FLI1: variants seen among roughly 807,000 people sequenced by gnomAD.
FLI1 encodes Friend leukemia integration 1 transcription factor.
FLI1 carries 13 observed loss-of-function variants against 53.1 expected under a neutral mutation model. The observed-to-expected ratio is 0.24, with a 90% CI of 0.16 to 0.39. The LOEUF (loss-of-function observed/expected upper bound fraction) is 0.39. Among genes scored for constraint, FLI1 ranks in the 10% least tolerant of loss-of-function variants. The pLI, the probability that FLI1 is intolerant of heterozygous loss-of-function variation, is 1.00. For missense variants in FLI1, 424 were observed against 600.5 expected (o/e 0.71, Z 3.07); for synonymous variants, 244 against 236.7 (o/e 1.03, Z -0.28).
At chr11:128,805,963 C>T (rs1446656008) in intron 6 of FLI1, 1 of 151,832 alleles carries the variant, frequency 6.6e-6, no homozygotes, top group Non-Finnish European at 1.5e-5. Context: ...AGGTTCTCCA[C>T]CAAGTGGTGA....
At chr11:128,755,838 T>A (rs1422112168) in intron 1 of FLI1, among the ~76,000 whole-genome samples, 1 of 152,198 alleles carries the variant, frequency 6.6e-6, no homozygotes, top group East Asian at 1.9e-4. Context: ...ACCTACACCA[T>A]CCAAAGCCTT....
Position 128,811,157 on chromosome 11 carries a change from G to A in FLI1, c.*169G>A, listed in dbSNP as rs1284082092. On this transcript the variant is annotated 3_prime_UTR_variant, in exon 9 of 9. Coordinates refer to ENST00000527786, the MANE Select transcript of FLI1 (RefSeq NM_002017.5). ...TTTAAAAACATTTTTTTTAATGTTG[G>A]TAACTTTTGCTTCCTCTACCTGAAC... 1.5e-6 allele frequency: 1 copy of A among 657,944 alleles called. No individual in the cohort carries two copies. Among genetic ancestry groups the A allele is most frequent in the Non-Finnish European group, 2.6e-6 (1 of 391,040 alleles). 40.8% of individuals were successfully genotyped at this position (657,944 alleles called of 1,614,324 possible). A position where few individuals can be genotyped will look rare whatever the true frequency, so the allele number is the denominator to read the frequency against.
chr11:128,785,660 A>G (rs1942056443), intron 5 of FLI1, among the ~76,000 whole-genome samples: 1 of 152,216 alleles, frequency 6.6e-6, no homozygotes, highest in African/African-American at 2.4e-5. Flanking sequence ...TCTCTTTCCA[A>G]AGATGAACCA....
intron 4 of FLI1, among the ~76,000 whole-genome samples, chr11:128,773,932 T>C (rs2135846706): frequency 6.6e-6 from 1 of 152,088 alleles, no homozygotes; most frequent in Middle Eastern, 3.4e-3. Flanking sequence ...CTATTTGTTG[T>C]GAATGGCCAA....
chr11:128,716,124 G>C (rs1222304906), intron 1 of FLI1, among the ~76,000 whole-genome samples: 2 of 152,220 alleles, frequency 1.3e-5, no homozygotes, highest in African/African-American at 4.8e-5. Context: ...AGGCACATTG[G>C]CTGGGGGAGT....
intron 5 of FLI1, among the ~76,000 whole-genome samples, chr11:128,784,970 T>C (rs960971999): frequency 6.6e-6 from 1 of 152,266 alleles, no homozygotes; most frequent in Non-Finnish European, 1.5e-5. Context: ...TGTCTATTAA[T>C]GTCTTCAAAG....
intron 5 of FLI1, among the ~76,000 whole-genome samples, chr11:128,796,941 C>T (rs1281609405): frequency 1.3e-5 from 2 of 152,242 alleles, no homozygotes; most frequent in African/African-American, 4.8e-5. Context: ...CGCCATTGCA[C>T]TCCAGCCTGG....
At chr11:128,706,543 G>A (rs1230557968) in intron 1 of FLI1, among the ~76,000 whole-genome samples, 1 of 152,256 alleles carries the variant, frequency 6.6e-6, no homozygotes, top group Middle Eastern at 3.4e-3. Context: ...AGAGACAACT[G>A]AGGCTTCAAG....
chr11:128,688,954 G>T (rs913270170), upstream of FLI1, among the ~76,000 whole-genome samples: 1 of 152,198 alleles, frequency 6.6e-6, no homozygotes, highest in African/African-American at 2.4e-5. Flanking sequence ...GCATTGTGAG[G>T]TTAATGTGAT....
intron 1 of FLI1, among the ~76,000 whole-genome samples, chr11:128,710,813 T>A (rs937775137): frequency 2.0e-5 from 3 of 152,220 alleles, no homozygotes; most frequent in African/African-American, 7.2e-5. Context: ...GCAATAGTAT[T>A]TTATTGGGCT....
intron 1 of FLI1, among the ~76,000 whole-genome samples, chr11:128,700,407 G>A (rs910950885): frequency 1.4e-4 from 22 of 152,206 alleles, no homozygotes; most frequent in African/African-American, 4.8e-4. Flanking sequence ...TCTTGGCACA[G>A]GTGGATCTAA....
intron 1 of FLI1, among the ~76,000 whole-genome samples, chr11:128,705,180 A>C (rs1426334514): frequency 1.3e-5 from 2 of 152,172 alleles, no homozygotes; most frequent in Non-Finnish European, 2.9e-5. Flanking sequence ...TATTTGTTTT[A>C]TCTCTTTGTC....
rs1029069016 is a variant in FLI1, at chr11:128,732,636, C to T, written c.19-25479C>T. On this transcript the variant is annotated intron_variant, in intron 1 of 8. Transcript: ENST00000527786. ...ACGTTAAGGCCGGATAGATACAAGCCTGGGATTGGAGAAGTCAAGGAAAGC... is the reference window on the plus strand; with the variant it reads ...ACGTTAAGGCCGGATAGATACAAGCTTGGGATTGGAGAAGTCAAGGAAAGC... Among the ~76,000 whole-genome samples the T allele has an allele frequency of 3.3e-5, 5 of 152,138 alleles. No individual in the cohort carries two copies. The East Asian group carries it at 9.6e-4, about 29-fold the overall frequency.
Position 128,805,437 on chromosome 11 carries a change from T to A in FLI1, c.721+6T>A. The A allele has an allele frequency of 6.5e-7, 1 of 1,538,004 alleles. No individual in the cohort carries two copies. Among genetic ancestry groups the A allele is most frequent in the Non-Finnish European group, 8.9e-7 (1 of 1,126,572 alleles). ...GAATTCTGGCCTCAACAAAAGTAAG[T>A]AAATGTTTTATAGTTCTTTGGAGGA... On this transcript the variant is annotated splice_donor_region_variant and intron_variant, in intron 6 of 8. Coordinates refer to ENST00000527786, the MANE Select transcript of FLI1 (RefSeq NM_002017.5).
chr11:128,709,606 A>G (rs1199741712), intron 1 of FLI1, among the ~76,000 whole-genome samples: 1 of 152,180 alleles, frequency 6.6e-6, no homozygotes, highest in Non-Finnish European at 1.5e-5. Context: ...GCAGGATATG[A>G]GTGTGGCTTC....
At chr11:128,722,606 A>G (rs1042869424) in intron 1 of FLI1, among the ~76,000 whole-genome samples, 1 of 152,254 alleles carries the variant, frequency 6.6e-6, no homozygotes, top group African/African-American at 2.4e-5. Flanking sequence ...TCCACAGGAA[A>G]GTGCAACTAT....
At chr11:128,723,470 G>C (rs1196020000) in intron 1 of FLI1, among the ~76,000 whole-genome samples, 1 of 152,106 alleles carries the variant, frequency 6.6e-6, no homozygotes, top group Non-Finnish European at 1.5e-5. Context: ...GGTAATCTTA[G>C]GAAATTTGTG....
At position 128,758,080 on chromosome 11, in the gene FLI1, A is replaced by G. The variant is rs757144713; in HGVS notation, c.19-35A>G. The G allele has an allele frequency of 3.2e-6, 5 of 1,570,268 alleles. 1 individual carries two copies. In the South Asian group the frequency reaches 5.8e-5, roughly 18 times the overall value. On this transcript the variant is annotated intron_variant, in intron 1 of 8. Transcript: ENST00000527786. Reference sequence around the variant, plus strand: ...GTGTCACTTGCTTGGGTGAAGAGTGACACTGGGCTTTCTGTCTCTTCTCTG... The same window carrying G: ...GTGTCACTTGCTTGGGTGAAGAGTGGCACTGGGCTTTCTGTCTCTTCTCTG...
chr11:128,748,035 T>C (rs1940477753), intron 1 of FLI1, among the ~76,000 whole-genome samples: 1 of 152,084 alleles, frequency 6.6e-6, no homozygotes, highest in African/African-American at 2.4e-5. Flanking sequence ...CAAAGGTAAA[T>C]ACCACGGGAG....
Sources: allele counts gnomAD v4.1 joint callset (sites outside exome capture counted in the v4.1 genomes callset), GRCh38; gene constraint gnomAD v4.1.1; transcripts MANE v1.5; gene names NCBI Gene and HGNC (gene_info 2026-07-23, HGNC 2026-07-21).